The following TRIM2 variants were observed in gnomAD, a reference collection of about 807,000 sequenced individuals.
TRIM2 encodes the protein tripartite motif-containing protein 2.
Under a neutral mutation model 75.2 loss-of-function variants are expected in TRIM2, and 20 were observed. The ratio of observed to expected loss-of-function variants is 0.27; its 90% confidence interval spans 0.19 to 0.39. The LOEUF (loss-of-function observed/expected upper bound fraction) is 0.39. TRIM2 is among the 10% of genes least tolerant of loss of function. The probability of loss-of-function intolerance (pLI) is 1.00; values close to 1 mark genes in which losing one functional copy is unlikely to be tolerated. For synonymous variants in TRIM2, 373 were observed against 388.3 expected (o/e 0.96, Z 0.46); for missense variants, 660 against 990.8 (o/e 0.67, Z 4.48).
At chr4:153,274,756 A>G (rs1181559624) in intron 2 of TRIM2, among the ~76,000 whole-genome samples, 2 of 152,230 alleles carry the variant, frequency 1.3e-5, no homozygotes, top group Non-Finnish European at 2.9e-5. Context: ...ATTTTTCAAT[A>G]AAAAGGAAGG....
At chr4:153,317,449 C>A (rs1232200994) in intron 8 of TRIM2, among the ~76,000 whole-genome samples, 1 of 149,018 alleles carries the variant, frequency 6.7e-6, no homozygotes, top group Non-Finnish European at 1.5e-5. Context: ...GAGATCGAGA[C>A]CATCCTGGCT....
chr4:153,272,227 C>T (rs980979182), intron 2 of TRIM2, among the ~76,000 whole-genome samples: 1 of 152,028 alleles, frequency 6.6e-6, no homozygotes, highest in Non-Finnish European at 1.5e-5. Context: ...CAGCTCACTG[C>T]AAGCTCTGCC....
chr4:153,207,002 G>T (rs557838162), intron 1 of TRIM2, among the ~76,000 whole-genome samples: 1 of 151,986 alleles, frequency 6.6e-6, no homozygotes, highest in Non-Finnish European at 1.5e-5. Flanking sequence ...AGATCCTCCC[G>T]CCTCAGCCTA....
At chr4:153,318,743 G>A (rs952381967) in intron 8 of TRIM2, among the ~76,000 whole-genome samples, 1 of 152,222 alleles carries the variant, frequency 6.6e-6, no homozygotes, top group Non-Finnish European at 1.5e-5. Context: ...ACGGAGACAG[G>A]AGTTTTATGT....
chr4:153,337,834 G>A lies in TRIM2; in HGVS notation c.*2868G>A, dbSNP rs912784152. Reference sequence around the variant, plus strand: ...ACTCATTCAAATTTCCCCTGGGCACGTAAGGCAAAATATTGCCGGTTGGGA... The same window carrying A: ...ACTCATTCAAATTTCCCCTGGGCACATAAGGCAAAATATTGCCGGTTGGGA... On this transcript the variant is annotated 3_prime_UTR_variant, in exon 12 of 12. Transcript: ENST00000338700. The A allele has an allele frequency of 8.1e-6, 8 of 985,646 alleles. No individual in the cohort carries two copies. The highest frequency in any genetic ancestry group is 4.7e-5 in the South Asian group (1 of 21,272). The allele number at this position is 985,646 out of a possible 1,614,324, so 61.1% of individuals were successfully genotyped here.
intron 1 of TRIM2, among the ~76,000 whole-genome samples, chr4:153,188,378 T>C (rs1166834060): frequency 6.6e-6 from 1 of 152,196 alleles, no homozygotes; most frequent in Non-Finnish European, 1.5e-5. Context: ...GAGGATCATC[T>C]GAGCTCGAGA....
intron 3 of TRIM2, among the ~76,000 whole-genome samples, chr4:153,291,912 G>GA (rs1269298883): frequency 6.6e-6 from 1 of 152,210 alleles, no homozygotes; most frequent in Non-Finnish European, 1.5e-5. Flanking sequence ...GACAGAGACA[G>GA]AAGTTGTGAC....
At chr4:153,311,894 T>TTTTTTTTA (rs1553998927) in intron 6 of TRIM2, among the ~76,000 whole-genome samples, 3 of 144,298 alleles carry the variant, frequency 2.1e-5, no homozygotes, top group Non-Finnish European at 3.0e-5. Flanking sequence ...GTTTTTATTC[T>TTTTTTTTA]TTTATTTATT....
intron 1 of TRIM2, among the ~76,000 whole-genome samples, chr4:153,194,980 G>A (rs1215754577): frequency 2.0e-5 from 3 of 152,284 alleles, no homozygotes; most frequent in East Asian, 3.9e-4. Context: ...ATATGTCTAC[G>A]TAGAACCACA....
intron 1 of TRIM2, among the ~76,000 whole-genome samples, chr4:153,236,422 T>C (rs1745046985): frequency 6.6e-6 from 1 of 152,106 alleles, no homozygotes; most frequent in African/African-American, 2.4e-5. Context: ...TGCTGGCTCT[T>C]TCTGTTTAGC....
intron 1 of TRIM2, among the ~76,000 whole-genome samples, chr4:153,244,355 C>CTTCCTCTTCTTCTTCT (rs1748079616): frequency 7.9e-5 from 1 of 12,706 alleles, no homozygotes. Context: ...CTTCTTCTTC[C>CTTCCTCTTCTTCTTCT]TCTTCTTCTT....
At chr4:153,266,406 G>A (rs940687240) in intron 1 of TRIM2, among the ~76,000 whole-genome samples, 1 of 147,780 alleles carries the variant, frequency 6.8e-6, no homozygotes, top group Non-Finnish European at 1.5e-5. Context: ...GCAGTGGCGT[G>A]ATCTCGGCTC....
At chr4:153,320,988 G>C (rs896571178) in intron 8 of TRIM2, among the ~76,000 whole-genome samples, 2 of 152,288 alleles carry the variant, frequency 1.3e-5, no homozygotes, top group Non-Finnish European at 2.9e-5. Flanking sequence ...TCAAGCCTGG[G>C]TGCCAGGGAG....
chr4:153,216,933 C>T (rs1190564678), intron 1 of TRIM2, among the ~76,000 whole-genome samples: 9 of 152,132 alleles, frequency 5.9e-5, no homozygotes, highest in African/African-American at 1.7e-4. Flanking sequence ...TTTCAACATA[C>T]AAAGTTGGAG....
At chr4:153,300,963 G>A (rs1246862774) in intron 6 of TRIM2, among the ~76,000 whole-genome samples, 4 of 151,792 alleles carry the variant, frequency 2.6e-5, no homozygotes, top group African/African-American at 9.7e-5. Context: ...GGTCCAGGTG[G>A]GCGGATCACC....
Position 153,293,149 on chromosome 4 carries a change from C to A in TRIM2, c.605+16C>A, listed in dbSNP as rs1228371468. ...TCAACAAAAGGTGGGGGACCCCTCC[C>A]CAAACCCCCAACTGGCTGCCTGTAC... On this transcript the variant is annotated intron_variant, in intron 4 of 11. Transcript: ENST00000338700. 7 of 1,592,844 alleles carry A rather than the reference C, an allele frequency of 4.4e-6. No individual in the cohort carries two copies. Among genetic ancestry groups the A allele is most frequent in the Non-Finnish European group, 6.0e-6 (7 of 1,164,830 alleles).
chr4:153,294,341 T>A lies in TRIM2; in HGVS notation c.642T>A (p.Ser214=). Residue 214 remains serine (S), a synonymous_variant, in exon 5 of 12, where the codon TCT becomes TCA. Coordinates refer to ENST00000338700, the MANE Select transcript of TRIM2 (RefSeq NM_015271.5). ...PEIDSALQFI[S]EIIHQLTNQK... is the part of the protein sequence containing the mutation. ...TAGATTCTGCTCTTCAGTTCATCTC[T>A]GAAATCATTCATCAGTTAACCAACC... 6.2e-7 allele frequency: 1 copy of A among 1,614,222 alleles called. No homozygotes were observed. The highest frequency in any genetic ancestry group is 8.5e-7 in the Non-Finnish European group (1 of 1,180,032).
chr4:153,261,039 A>G (rs988873486), intron 1 of TRIM2, among the ~76,000 whole-genome samples: 11 of 152,314 alleles, frequency 7.2e-5, no homozygotes, highest in Non-Finnish European at 1.5e-4. Context: ...AGATAATCCA[A>G]ATGGTTCAGG....
chr4:153,207,423 A>C (rs2149696999), intron 1 of TRIM2, among the ~76,000 whole-genome samples: 1 of 152,304 alleles, frequency 6.6e-6, no homozygotes, highest in East Asian at 1.9e-4. Context: ...CTTATATGTT[A>C]TTGGGCAAGT....
Sources: gnomAD v4.1 joint callset for allele counts (sites outside exome capture counted in the v4.1 genomes callset) on GRCh38, gnomAD v4.1.1 for gene constraint, MANE v1.5 for transcripts, NCBI Gene and HGNC (gene_info 2026-07-23, HGNC 2026-07-21) for gene names.